Variants in SCN8A observed in about 807,000 individuals in gnomAD.
The protein encoded by SCN8A is sodium voltage-gated channel alpha subunit 8.
SCN8A carries 30 observed loss-of-function variants against 184.1 expected under a neutral mutation model. That is an observed-to-expected ratio of 0.16 (90% CI 0.12 to 0.22). The LOEUF is 0.22. Ranked by LOEUF, SCN8A falls within the 10% of genes least tolerant of loss-of-function variation. SCN8A has a pLI of 1.00. For synonymous variants in SCN8A, 852 were observed against 907.0 expected, an observed-to-expected ratio of 0.94 and a Z score of 1.09; for missense variants, 1,057 against 2,498.9, an observed-to-expected ratio of 0.42 and a Z score of 12.30.
chr12:51,727,749 G>A (rs1250032245), intron 12 of SCN8A, among the ~76,000 whole-genome samples: 1 of 152,022 alleles, frequency 6.6e-6, no homozygotes, highest in African/African-American at 2.4e-5. Context: ...GATCGTTTGA[G>A]GTCAGGAGTT....
chr12:51,773,177 G>C (rs1217446610), intron 19 of SCN8A, among the ~76,000 whole-genome samples: 1 of 151,768 alleles, frequency 6.6e-6, no homozygotes, highest in Non-Finnish European at 1.5e-5. Flanking sequence ...ATTTTGGAAG[G>C]TGACGCTGCA....
chr12:51,626,756 T>G (rs1940087372), intron 1 of SCN8A, among the ~76,000 whole-genome samples: 1 of 151,582 alleles, frequency 6.6e-6, no homozygotes, highest in African/African-American at 2.4e-5. Context: ...CCACCTCCAC[T>G]CTCCAATTGT....
chr12:51,670,875 G>T (rs149274408), intron 2 of SCN8A, among the ~76,000 whole-genome samples: 2 of 152,078 alleles, frequency 1.3e-5, no homozygotes, highest in Admixed American at 1.3e-4. Context: ...TCTATATGCC[G>T]GGGCTCTGTT....
At chr12:51,755,370 G>A (rs1942657864) in intron 14 of SCN8A, among the ~76,000 whole-genome samples, 1 of 152,164 alleles carries the variant, frequency 6.6e-6, no homozygotes. Context: ...CTTCAAGCTG[G>A]CTTCTGATCC....
rs1247032120 is a variant in SCN8A, at chr12:51,618,508, CAG to C, written c.-55+27151_-55+27152del. On this transcript the variant is annotated intron_variant, in intron 1 of 26. Transcript: ENST00000627620. ...ACACACACACACACACACACACACACAGAAAGAAAAAAAGGCAAAACTCTGCT... is the reference window on the plus strand; with the variant it reads ...ACACACACACACACACACACACACACAAAGAAAAAAAGGCAAAACTCTGCT... Among the ~76,000 whole-genome samples, 422 of 127,112 alleles carry C rather than the reference CAG, an allele frequency of 3.3e-3. 2 individuals carry two copies. Among genetic ancestry groups the C allele is most frequent in the African/African-American group, 0.012 (400 of 33,464 alleles). The allele number at this position is 127,112 out of a possible 152,430, so 83.4% of individuals were successfully genotyped here.
chr12:51,712,032 A>G (rs1343545451), intron 11 of SCN8A, among the ~76,000 whole-genome samples: 3 of 152,218 alleles, frequency 2.0e-5, no homozygotes, highest in African/African-American at 7.2e-5. Context: ...GCATTTTGTT[A>G]AAGTTTCTGT....
At chr12:51,705,083 C>T (rs1215030268) in intron 9 of SCN8A, among the ~76,000 whole-genome samples, 1 of 152,172 alleles carries the variant, frequency 6.6e-6, no homozygotes, top group African/African-American at 2.4e-5. Context: ...GATAAATAAA[C>T]TGCAGTCTTG....
intron 2 of SCN8A, among the ~76,000 whole-genome samples, chr12:51,674,897 C>T (rs181677438): frequency 4.5e-4 from 68 of 152,278 alleles, no homozygotes; most frequent in African/African-American, 1.5e-3. Flanking sequence ...TGCCTAAGAT[C>T]ATGACAGCTA....
At chr12:51,786,415 A>G (rs928735132) in intron 21 of SCN8A, 127 bp from the exon 22 acceptor site, 2 of 1,070,566 alleles carry the variant, frequency 1.9e-6, no homozygotes, top group Non-Finnish European at 2.7e-6. Flanking sequence ...CAGTTACTCT[A>G]ATTCCAAAGG....
intron 25 of SCN8A, among the ~76,000 whole-genome samples, chr12:51,793,792 G>A (rs113704435): frequency 2.6e-5 from 4 of 152,146 alleles, no homozygotes; most frequent in African/African-American, 7.2e-5. Flanking sequence ...TGCTATGATC[G>A]CGCCTATGCA....
At position 51,717,578 on chromosome 12, in the gene SCN8A, A is replaced by C. The variant is rs1941986071; in HGVS notation, c.1636-3968A>C. 2.6e-5 allele frequency among the ~76,000 whole-genome samples: 4 copies of C among 152,308 alleles called. 1 individual carries two copies. In the South Asian group the frequency reaches 6.2e-4, roughly 24 times the overall value. On this transcript the variant is annotated intron_variant, in intron 11 of 26. Coordinates refer to ENST00000627620, the MANE Select transcript of SCN8A (RefSeq NM_001330260.2). ...ATCAGTGATTCAAAGGGGGTGCCCAAACATACATGTAAGAAGAATAGTAAG... is the reference window on the plus strand; with the variant it reads ...ATCAGTGATTCAAAGGGGGTGCCCACACATACATGTAAGAAGAATAGTAAG...
chr12:51,601,868 T>G (rs867319617), intron 1 of SCN8A, among the ~76,000 whole-genome samples: 8 of 150,386 alleles, frequency 5.3e-5, no homozygotes, highest in East Asian at 1.9e-4. Context: ...TTTTTTTTTT[T>G]TTTTTTTTTT....
chr12:51,807,719 A>G lies in SCN8A; in HGVS notation c.*290A>G, dbSNP rs1592175543. 2 of 413,856 alleles carry G rather than the reference A, an allele frequency of 4.8e-6. No homozygotes were observed. Among genetic ancestry groups the G allele is most frequent in the East Asian group, 4.2e-5 (1 of 24,072 alleles). 25.6% of individuals were successfully genotyped at this position (413,856 alleles called of 1,614,324 possible). On this transcript the variant is annotated 3_prime_UTR_variant, in exon 27 of 27. Coordinates refer to ENST00000627620, the MANE Select transcript of SCN8A (RefSeq NM_001330260.2). This position sits in a 1 kb window ranked among gnomAD's most constrained non-coding sequence, Gnocchi z 4.5. Reference sequence around the variant, plus strand: ...AGGACAAAACTAACCAGATACAGAAACAGAAGAGAGGCTGCCGGGACCAGC... The same window carrying G: ...AGGACAAAACTAACCAGATACAGAAGCAGAAGAGAGGCTGCCGGGACCAGC...
intron 17 of SCN8A, 54 bp downstream of exon 17, chr12:51,769,389 C>CT: frequency 1.5e-6 from 2 of 1,328,722 alleles, no homozygotes; most frequent in Non-Finnish European, 2.1e-6. Context: ...AAACAGGGTG[C>CT]TGTCAGCCTT....
chr12:51,711,340 A>C (rs1941872603), intron 11 of SCN8A, among the ~76,000 whole-genome samples: 1 of 152,234 alleles, frequency 6.6e-6, no homozygotes, highest in African/African-American at 2.4e-5. Flanking sequence ...CATTCAAAAA[A>C]AATAGTAAAT....
chr12:51,688,590 C>T lies in SCN8A; in HGVS notation c.615-415C>T, dbSNP rs538121124. Among the ~76,000 whole-genome samples, 3 of 152,222 alleles carry T rather than the reference C, an allele frequency of 2.0e-5. No individual in the cohort carries two copies. The South Asian group carries it at 6.2e-4, about 32-fold the overall frequency. On this transcript the variant is annotated intron_variant, in intron 5 of 26. Coordinates refer to ENST00000627620, the MANE Select transcript of SCN8A (RefSeq NM_001330260.2). ...CTTTCTAATATACTTTTGAATTCTTCTTGTCCAATTAAAAACAAATGTTCC... is the reference window on the plus strand; with the variant it reads ...CTTTCTAATATACTTTTGAATTCTTTTTGTCCAATTAAAAACAAATGTTCC...
rs142078760 is a variant in SCN8A, at chr12:51,809,564, A to T, written c.*2135A>T. 1 of 152,314 alleles carries T rather than the reference A, an allele frequency of 6.6e-6. No homozygotes were observed. Among genetic ancestry groups the T allele is most frequent in the Non-Finnish European group, 1.5e-5 (1 of 68,026 alleles). 9.4% of individuals were successfully genotyped at this position (152,314 alleles called of 1,614,324 possible). A position where few individuals can be genotyped will look rare whatever the true frequency, so the allele number is the denominator to read the frequency against. Reference sequence around the variant, plus strand: ...ATTTTTGTACTACACCCAATACCAGACTGGGAAGGCCTATCTTTCAGTGAC... The same window carrying T: ...ATTTTTGTACTACACCCAATACCAGTCTGGGAAGGCCTATCTTTCAGTGAC... On this transcript the variant is annotated 3_prime_UTR_variant, in exon 27 of 27. Coordinates refer to ENST00000627620, the MANE Select transcript of SCN8A (RefSeq NM_001330260.2).
At chr12:51,645,788 C>G (rs1344060315) in intron 1 of SCN8A, among the ~76,000 whole-genome samples, 1 of 148,160 alleles carries the variant, frequency 6.7e-6, no homozygotes, top group Non-Finnish European at 1.5e-5. Flanking sequence ...ACTCCCTAAT[C>G]TCAAGTACCC....
chr12:51,807,772 T>C lies in SCN8A; in HGVS notation c.*343T>C, dbSNP rs890207087. 2 of 282,258 alleles carry C rather than the reference T, an allele frequency of 7.1e-6. No homozygotes were observed. Among genetic ancestry groups the C allele is most frequent in the Non-Finnish European group, 1.3e-5 (2 of 150,690 alleles). 17.5% of individuals were successfully genotyped at this position (282,258 alleles called of 1,614,324 possible). Reference sequence around the variant, plus strand: ...ATTTCCGTTGCAGCCAAATGGATTTTATTTTTTCATTTTATTGATTCTCAG... The same window carrying C: ...ATTTCCGTTGCAGCCAAATGGATTTCATTTTTTCATTTTATTGATTCTCAG... On this transcript the variant is annotated 3_prime_UTR_variant, in exon 27 of 27. Transcript: ENST00000627620. The surrounding 1 kb of genome is among the most constrained non-coding windows in gnomAD (Gnocchi z 4.5).
Sources: allele counts gnomAD v4.1 joint callset (sites outside exome capture counted in the v4.1 genomes callset), GRCh38; gene constraint gnomAD v4.1.1; non-coding constraint Gnocchi (gnomAD v3.1); transcripts MANE v1.5; gene names NCBI Gene and HGNC (gene_info 2026-07-23, HGNC 2026-07-21).